SEC14L1: variants seen among roughly 807,000 people sequenced by gnomAD.
SEC14L1 encodes SEC14 like lipid binding 1.
SEC14L1 carries 48 observed loss-of-function variants against 85.3 expected under a neutral mutation model. The ratio of observed to expected loss-of-function variants is 0.56; its 90% CI spans 0.45 to 0.72. The LOEUF is 0.72. SEC14L1 is among the 30% of genes least tolerant of loss of function. The pLI is 0.00. For missense variants in SEC14L1, 682 were observed against 921.4 expected (o/e 0.74, Z 3.36); for synonymous variants, 391 against 355.5 (o/e 1.10, Z -1.12).
intron 3 of SEC14L1, among the ~76,000 whole-genome samples, chr17:77,120,281 G>A (rs770486113): frequency 2.0e-5 from 3 of 152,206 alleles, no homozygotes; most frequent in African/African-American, 7.2e-5. Context: ...GGCATGAAGC[G>A]TTCTAACCGC....
chr17:77,180,470 G>A (rs1181395542), intron 3 of SEC14L1, among the ~76,000 whole-genome samples: 2 of 152,158 alleles, frequency 1.3e-5, no homozygotes, highest in Admixed American at 1.3e-4. Flanking sequence ...CCCGTTGGGA[G>A]TGCAGTGGCG....
At chr17:77,178,877 A>G (rs1974878910) in intron 3 of SEC14L1, among the ~76,000 whole-genome samples, 1 of 152,234 alleles carries the variant, frequency 6.6e-6, no homozygotes, top group Non-Finnish European at 1.5e-5. Flanking sequence ...AAGGTAGTCC[A>G]GGTGAAGTTC....
chr17:77,111,703 G>C, intron 3 of SEC14L1, among the ~76,000 whole-genome samples: 1 of 152,294 alleles, frequency 6.6e-6, no homozygotes, highest in South Asian at 2.1e-4. Context: ...AATTTCTTCC[G>C]TGTAGAGTGG....
At chr17:77,166,268 C>G (rs951070790) in intron 3 of SEC14L1, among the ~76,000 whole-genome samples, 3 of 152,122 alleles carry the variant, frequency 2.0e-5, no homozygotes, top group African/African-American at 7.2e-5. Context: ...CAGGGCCTGC[C>G]AAACATTTTA....
At chr17:77,090,789 A>G (rs975281766) in intron 2 of SEC14L1, among the ~76,000 whole-genome samples, 1 of 152,110 alleles carries the variant, frequency 6.6e-6, no homozygotes, top group Non-Finnish European at 1.5e-5. Flanking sequence ...AAGGAGTTCA[A>G]GATCAGCCTG....
At chr17:77,117,224 A>G (rs1972190682) in intron 3 of SEC14L1, among the ~76,000 whole-genome samples, 2 of 152,058 alleles carry the variant, frequency 1.3e-5, no homozygotes, top group African/African-American at 2.4e-5. Context: ...ACACATGCCT[A>G]TAGTCCCAGC....
At chr17:77,107,719 C>T (rs538508519) in intron 3 of SEC14L1, among the ~76,000 whole-genome samples, 1 of 152,140 alleles carries the variant, frequency 6.6e-6, no homozygotes, top group Non-Finnish European at 1.5e-5. Flanking sequence ...GACTTTCTTG[C>T]AACAACAGCA....
At chr17:77,168,676 T>C (rs1974396022) in intron 3 of SEC14L1, among the ~76,000 whole-genome samples, 1 of 152,224 alleles carries the variant, frequency 6.6e-6, no homozygotes. Flanking sequence ...AAGTACAGCA[T>C]TGGACTCTGG....
At chr17:77,098,211 G>A (rs1971693025) in intron 3 of SEC14L1, among the ~76,000 whole-genome samples, 1 of 152,062 alleles carries the variant, frequency 6.6e-6, no homozygotes, top group Non-Finnish European at 1.5e-5. Flanking sequence ...AGTATTTCCT[G>A]TTCTAGGCCC....
At chr17:77,140,583 C>G (rs1196361185), upstream of SEC14L1, among the ~76,000 whole-genome samples, 1 of 152,246 alleles carries the variant, frequency 6.6e-6, no homozygotes, top group Non-Finnish European at 1.5e-5. Context: ...CTTCCCTTTT[C>G]CCGCTCAGCC....
In SEC14L1 at chr17:77,203,669, G is replaced by T; in HGVS notation, c.1098+11G>T. 1 of 1,606,044 alleles carries T rather than the reference G, an allele frequency of 6.2e-7. No individual in the cohort carries two copies. Among genetic ancestry groups the T allele is most frequent in the South Asian group, 1.1e-5 (1 of 90,006 alleles). Reference sequence around the variant, plus strand: ...GCCCTGCTGAGATACGTAAGTGCGCGGCTGCGAGACTCCAGGTGCCACTGT... The same window carrying T: ...GCCCTGCTGAGATACGTAAGTGCGCTGCTGCGAGACTCCAGGTGCCACTGT... On this transcript the variant is annotated intron_variant, in intron 10 of 16. Transcript: ENST00000436233.
chr17:77,152,868 C>T (rs2143579634), intron 3 of SEC14L1, among the ~76,000 whole-genome samples: 2 of 152,274 alleles, frequency 1.3e-5, no homozygotes, highest in Middle Eastern at 6.8e-3. Context: ...CTTGGGTCTC[C>T]TTTATTCTCT....
chr17:77,175,025 A>G (rs1567909998), intron 3 of SEC14L1, among the ~76,000 whole-genome samples: 1 of 152,220 alleles, frequency 6.6e-6, no homozygotes, highest in African/African-American at 2.4e-5. Context: ...AAGAGGGGAT[A>G]GGAGCAGTCT....
At chr17:77,185,087 C>A in intron 3 of SEC14L1, 1 of 428,184 alleles carries the variant, frequency 2.3e-6, no homozygotes. Context: ...AAAGGCAGGA[C>A]TTATCTTTTT....
intron 3 of SEC14L1, among the ~76,000 whole-genome samples, chr17:77,176,676 TC>T (rs1974773083): frequency 6.6e-6 from 1 of 152,196 alleles, no homozygotes; most frequent in South Asian, 2.1e-4. Flanking sequence ...ATCCTCCACC[TC>T]CCAGGTTCAA....
chr17:77,207,326 G>T (rs747029106), intron 13 of SEC14L1, among the ~76,000 whole-genome samples: 1 of 148,046 alleles, frequency 6.8e-6, no homozygotes. Flanking sequence ...GACTTGGTGG[G>T]CTCAGGTGAT....
upstream of SEC14L1, among the ~76,000 whole-genome samples, chr17:77,140,369 A>T (rs1972942566): frequency 6.6e-6 from 1 of 152,130 alleles, no homozygotes; most frequent in Non-Finnish European, 1.5e-5. Context: ...GGCCCTCCCG[A>T]GCCCTGGGCC....
chr17:77,102,970 A>G lies in SEC14L1; in HGVS notation c.-136+9623A>G, dbSNP rs79812158. 2.4e-4 allele frequency among the ~76,000 whole-genome samples: 37 copies of G among 151,870 alleles called. No homozygotes were observed. The East Asian group carries it at 4.3e-3, about 18-fold the overall frequency. On this transcript the variant is annotated intron_variant, in intron 3 of 19. Coordinates refer to the SEC14L1 transcript ENST00000392476. Reference sequence around the variant, plus strand: ...AGGTGCATGCCACCATGCCTGGCTAATTGTTTTACTATTTTTTAGTAGAAG... The same window carrying G: ...AGGTGCATGCCACCATGCCTGGCTAGTTGTTTTACTATTTTTTAGTAGAAG...
intron 3 of SEC14L1, among the ~76,000 whole-genome samples, chr17:77,153,786 C>G (rs1973679953): frequency 6.6e-6 from 1 of 152,122 alleles, no homozygotes; most frequent in South Asian, 2.1e-4. Context: ...GTTGGGCTGC[C>G]TGGGGAAGCT....
Sources: gnomAD v4.1 joint callset for allele counts (sites outside exome capture counted in the v4.1 genomes callset) on GRCh38, gnomAD v4.1.1 for gene constraint, MANE v1.5 for transcripts, NCBI Gene and HGNC (gene_info 2026-07-23, HGNC 2026-07-21) for gene names.